The following CPNE2 variants were observed in gnomAD, a reference collection of about 807,000 sequenced individuals.
CPNE2 encodes the protein copine-2.
A neutral mutation model predicts 69.7 loss-of-function variants in CPNE2; 42 were observed. The observed-to-expected ratio is 0.60, with a 90% confidence interval of 0.47 to 0.78. The LOEUF (loss-of-function observed/expected upper bound fraction) is 0.78, where lower values mean the gene tolerates loss of function less well. Among genes scored for constraint, CPNE2 ranks in the 30% least tolerant of loss-of-function variants. The pLI, the probability that CPNE2 is intolerant of heterozygous loss-of-function variation, is 0.00. For synonymous variants in CPNE2, 294 were observed against 289.8 expected (o/e 1.01, Z -0.15); for missense variants, 587 against 732.0 (o/e 0.80, Z 2.29).
chr16:57,107,384 A>G (rs2145241572), intron 1 of CPNE2, among the ~76,000 whole-genome samples: 1 of 152,326 alleles, frequency 6.6e-6, no homozygotes, highest in East Asian at 1.9e-4. Context: ...TTCCCCTGCC[A>G]GGCATGTCCG....
intron 1 of CPNE2, among the ~76,000 whole-genome samples, chr16:57,102,448 G>A (rs1009706598): frequency 4.6e-5 from 7 of 152,108 alleles, no homozygotes; most frequent in Non-Finnish European, 7.4e-5. Flanking sequence ...GCCCCACCTC[G>A]AAGACCTTGA....
At chr16:57,131,052 G>A (rs555843615) in intron 12 of CPNE2, among the ~76,000 whole-genome samples, 1 of 152,180 alleles carries the variant, frequency 6.6e-6, no homozygotes, top group East Asian at 1.9e-4. Context: ...AGTCGCTGCA[G>A]ATGGGCAGGG....
At chr16:57,135,451 T>C (rs1455054223) in intron 13 of CPNE2, among the ~76,000 whole-genome samples, 1 of 152,096 alleles carries the variant, frequency 6.6e-6, no homozygotes, top group Non-Finnish European at 1.5e-5. Context: ...AGAGGAGCAC[T>C]TGAGCCTAGG....
In CPNE2 at chr16:57,097,101, G is replaced by C. The variant is rs547680927; in HGVS notation, c.-36+4311G>C. Among the ~76,000 whole-genome samples, 4 of 152,286 alleles carry C rather than the reference G, an allele frequency of 2.6e-5. No homozygotes were observed. In the East Asian group the frequency reaches 5.8e-4, roughly 22 times the overall value. On this transcript the variant is annotated intron_variant, in intron 1 of 15. Transcript: ENST00000290776. ...CTGGGATACAGCCATGAACGAGAGA[G>C]ACCAATGCCTTGCTCTCCTGGGGCT...
At chr16:57,109,383 G>A (rs1177872593) in intron 1 of CPNE2, among the ~76,000 whole-genome samples, 7 of 150,980 alleles carry the variant, frequency 4.6e-5, no homozygotes, top group African/African-American at 1.7e-4. Flanking sequence ...GGCTGAGGCA[G>A]AAGAATTGCT....
intron 1 of CPNE2, among the ~76,000 whole-genome samples, chr16:57,104,387 A>G (rs1217321188): frequency 6.6e-6 from 1 of 152,186 alleles, no homozygotes; most frequent in Non-Finnish European, 1.5e-5. Context: ...GCTTAAAAAA[A>G]CCACTGCCTC....
At chr16:57,121,234 G>A (rs1291551355) in intron 8 of CPNE2, 43 bp downstream of exon 8, 2 of 1,552,222 alleles carry the variant, frequency 1.3e-6, no homozygotes, top group African/African-American at 1.4e-5. Context: ...CCTCAGCAGG[G>A]CTGGGGGAAG....
intron 12 of CPNE2, among the ~76,000 whole-genome samples, chr16:57,131,848 C>G (rs192679897): frequency 6.6e-6 from 1 of 152,126 alleles, no homozygotes; most frequent in East Asian, 1.9e-4. Context: ...TGCTCCCTCT[C>G]CTGGGCTTCT....
chr16:57,095,772 A>G (rs2069574860), intron 1 of CPNE2, among the ~76,000 whole-genome samples: 1 of 152,162 alleles, frequency 6.6e-6, no homozygotes, highest in Admixed American at 6.5e-5. Flanking sequence ...ACCATGGAAC[A>G]TTTCTTACTT....
chr16:57,126,503 G>A (rs1297677566), intron 11 of CPNE2, among the ~76,000 whole-genome samples: 1 of 151,666 alleles, frequency 6.6e-6, no homozygotes, highest in Non-Finnish European at 1.5e-5. Flanking sequence ...CTTTGGGTCG[G>A]GCTGGGTACC....
At chr16:57,115,689 C>A in intron 4 of CPNE2, 139 bp downstream of exon 4, 1 of 591,516 alleles carries the variant, frequency 1.7e-6, no homozygotes. Flanking sequence ...AGCAACAGGT[C>A]TCTTAGCAAC....
chr16:57,120,411 C>T (rs1425975453), intron 7 of CPNE2, among the ~76,000 whole-genome samples: 8 of 151,092 alleles, frequency 5.3e-5, no homozygotes, highest in African/African-American at 1.9e-4. Flanking sequence ...CTCACCCACC[C>T]TCTCACGGTC....
At chr16:57,110,563 T>C in intron 1 of CPNE2, 145 bp from the exon 2 acceptor site, 1 of 481,126 alleles carries the variant, frequency 2.1e-6, no homozygotes, top group Non-Finnish European at 3.7e-6. Context: ...TCTTCAAACC[T>C]TTGCCTATGT....
intron 6 of CPNE2, 117 bp from the exon 7 acceptor site, chr16:57,119,444 T>A: frequency 8.8e-7 from 1 of 1,130,124 alleles, no homozygotes; most frequent in African/African-American, 1.5e-5. Context: ...CTCACTTCTG[T>A]CTCTGGAAGT....
At chr16:57,114,934 C>CAAAA (rs55845635) in intron 3 of CPNE2, among the ~76,000 whole-genome samples, 5,615 of 39,054 alleles carry the variant, frequency 0.14, 1,455 homozygotes, top group Non-Finnish European at 0.17. Context: ...TTGTCTCTAC[C>CAAAA]AAAAAAAAAA....
At chr16:57,140,942 A>G (rs1344059329) in intron 14 of CPNE2, 7 of 150,348 alleles carry the variant, frequency 4.7e-5, no homozygotes, top group Admixed American at 4.7e-4. Context: ...GGGCACAGCA[A>G]GAGGCAGGCT....
chr16:57,146,284 A>G lies in CPNE2; in HGVS notation c.1502A>G (p.Asp501Gly). The change falls in exon 15 of 16, where the codon GAT (aspartate) becomes GGT (glycine). Residue 501 changes from aspartate to glycine, a missense_variant. Physicochemically the swap from Asp to Gly is moderately conservative, Grantham distance 94. Coordinates refer to ENST00000290776, the MANE Select transcript of CPNE2 (RefSeq NM_152727.6). This position sits in a 1 kb window ranked among gnomAD's most constrained non-coding sequence, Gnocchi z 4.4. Reference protein sequence around the residue: ...RSHTGEEAARDIVQFVPFREF... With the variant: ...RSHTGEEAARGIVQFVPFREF... Reference sequence around the variant, plus strand: ...CACACGGGGGAGGAGGCAGCCCGCGATATTGTGCAGTTCGTTCCCTTTCGA... The same window carrying G: ...CACACGGGGGAGGAGGCAGCCCGCGGTATTGTGCAGTTCGTTCCCTTTCGA... 2 of 1,555,306 alleles carry G rather than the reference A, an allele frequency of 1.3e-6. No individual in the cohort carries two copies. Among genetic ancestry groups the G allele is most frequent in the Non-Finnish European group, 1.7e-6 (2 of 1,148,852 alleles).
At chr16:57,113,759 A>G (rs1285558245) in intron 3 of CPNE2, among the ~76,000 whole-genome samples, 5 of 152,240 alleles carry the variant, frequency 3.3e-5, no homozygotes, top group Admixed American at 2.0e-4. Flanking sequence ...GCATCTGACC[A>G]GCAACCAAGA....
intron 1 of CPNE2, chr16:57,094,049 A>G (rs1473361799): frequency 2.2e-6 from 1 of 456,594 alleles, no homozygotes; most frequent in Non-Finnish European, 4.4e-6. Flanking sequence ...TGGACACAGC[A>G]TGAAGGCGTG....
Sources: allele counts gnomAD v4.1 joint callset (sites outside exome capture counted in the v4.1 genomes callset), GRCh38; gene constraint gnomAD v4.1.1; non-coding constraint Gnocchi (gnomAD v3.1); transcripts MANE v1.5; gene names NCBI Gene and HGNC (gene_info 2026-07-23, HGNC 2026-07-21).